The following NBEA variants were observed in gnomAD, a reference collection of about 807,000 sequenced individuals.
The protein encoded by NBEA is lysosomal-trafficking regulator 2.
In NBEA, 44 loss-of-function variants were observed where a neutral mutation model predicts 343.4. The ratio of observed to expected loss-of-function variants is 0.13; its 90% confidence interval spans 0.10 to 0.16. The LOEUF is 0.16. Among genes scored for constraint, NBEA ranks in the 10% least tolerant of loss-of-function variants. The pLI is 1.00. For synonymous variants in NBEA, 1,175 were observed against 1,238.7 expected (o/e 0.95, Z 1.08); for missense variants, 2,555 against 3,631.3 (o/e 0.70, Z 7.62).
intron 41 of NBEA, chr13:35,475,338 C>T: frequency 6.2e-7 from 1 of 1,614,036 alleles, no homozygotes; most frequent in Middle Eastern, 1.6e-4. Flanking sequence ...TGTTCAAGGG[C>T]TGGCCCGGCA....
chr13:35,235,668 C>T (rs2075194072), intron 34 of NBEA, among the ~76,000 whole-genome samples: 1 of 152,146 alleles, frequency 6.6e-6, no homozygotes, highest in South Asian at 2.1e-4. Context: ...AATCAGGAAC[C>T]CCTGTGTGTA....
At chr13:34,969,299 TAA>T (rs2059923933) in intron 1 of NBEA, among the ~76,000 whole-genome samples, 1 of 152,014 alleles carries the variant, frequency 6.6e-6, no homozygotes, top group South Asian at 2.1e-4. Context: ...CATGAACATT[TAA>T]AATTTTTTGG....
intron 34 of NBEA, among the ~76,000 whole-genome samples, chr13:35,278,985 C>T (rs2034848732): frequency 6.6e-6 from 1 of 152,056 alleles, no homozygotes; most frequent in Non-Finnish European, 1.5e-5. Flanking sequence ...GCCTTTCTTT[C>T]TGTTTTTCCA....
chr13:34,998,679 G>A (rs1593413021), intron 1 of NBEA, among the ~76,000 whole-genome samples: 1 of 152,254 alleles, frequency 6.6e-6, no homozygotes, highest in East Asian at 1.9e-4. Context: ...CAGAGTTTAA[G>A]GTTATCTCTC....
intron 44 of NBEA, among the ~76,000 whole-genome samples, chr13:35,559,716 C>A (rs2079763448): frequency 6.6e-6 from 1 of 151,958 alleles, no homozygotes; most frequent in South Asian, 2.1e-4. Flanking sequence ...GAGATGGAGA[C>A]CATCCTGGCT....
At chr13:35,135,507 C>T (rs2067667491) in intron 17 of NBEA, among the ~76,000 whole-genome samples, 4 of 151,978 alleles carry the variant, frequency 2.6e-5, no homozygotes, top group Non-Finnish European at 4.4e-5. Context: ...AATGGGAAGA[C>T]TCAATTATAT....
At chr13:34,947,401 C>A (rs537436429) in intron 1 of NBEA, among the ~76,000 whole-genome samples, 14 of 152,232 alleles carry the variant, frequency 9.2e-5, no homozygotes, top group African/African-American at 3.1e-4. Context: ...ATACTTTTCC[C>A]AAACAGTGTG....
At chr13:35,544,964 T>C (rs2079000488) in intron 41 of NBEA, among the ~76,000 whole-genome samples, 1 of 152,218 alleles carries the variant, frequency 6.6e-6, no homozygotes, top group African/African-American at 2.4e-5. Context: ...CTAGATGATA[T>C]GGGAAGCTTG....
At chr13:35,417,205 T>A (rs2043968066) in intron 38 of NBEA, among the ~76,000 whole-genome samples, 1 of 152,204 alleles carries the variant, frequency 6.6e-6, no homozygotes, top group African/African-American at 2.4e-5. Flanking sequence ...ATTCATTAAT[T>A]TTTTGAAGGG....
intron 56 of NBEA, 73 bp downstream of exon 56, chr13:35,665,259 T>G (rs1427055595): frequency 3.2e-6 from 4 of 1,266,852 alleles, no homozygotes; most frequent in Non-Finnish European, 4.5e-6. Context: ...GATTGTCAGT[T>G]TATTTCTTCC....
intron 34 of NBEA, among the ~76,000 whole-genome samples, chr13:35,280,610 A>G (rs1015729330): frequency 2.6e-5 from 4 of 152,130 alleles, no homozygotes; most frequent in Non-Finnish European, 2.9e-5. Flanking sequence ...AAACTGATCA[A>G]TGTAACTACC....
intron 41 of NBEA, among the ~76,000 whole-genome samples, chr13:35,536,844 TA>T (rs2078579092): frequency 6.6e-6 from 1 of 152,210 alleles, no homozygotes; most frequent in African/African-American, 2.4e-5. Flanking sequence ...AAAATCAACA[TA>T]AGCTCAGAAA....
intron 53 of NBEA, among the ~76,000 whole-genome samples, chr13:35,653,484 C>G (rs1218249720): frequency 1.3e-5 from 2 of 152,036 alleles, no homozygotes; most frequent in Non-Finnish European, 2.9e-5. Context: ...GCGTGCACCA[C>G]CACGCCTGTC....
At chr13:35,564,484 T>C (rs1433487772) in intron 44 of NBEA, among the ~76,000 whole-genome samples, 1 of 152,140 alleles carries the variant, frequency 6.6e-6, no homozygotes, top group Non-Finnish European at 1.5e-5. Flanking sequence ...TTTGTATATA[T>C]ACATATAAAA....
intron 18 of NBEA, among the ~76,000 whole-genome samples, chr13:35,152,284 A>T (rs946003526): frequency 6.6e-6 from 1 of 152,236 alleles, no homozygotes; most frequent in Non-Finnish European, 1.5e-5. Context: ...CTTAATAATC[A>T]AAGTTTTTCT....
At chr13:35,279,057 A>T (rs1422706273) in intron 34 of NBEA, among the ~76,000 whole-genome samples, 4 of 152,220 alleles carry the variant, frequency 2.6e-5, no homozygotes, top group Admixed American at 1.3e-4. Context: ...AAGGTGGGCC[A>T]GCTCTGGAGA....
chr13:35,030,983 C>T (rs1349428807), intron 1 of NBEA, among the ~76,000 whole-genome samples: 1 of 151,616 alleles, frequency 6.6e-6, no homozygotes. Flanking sequence ...GAGCCCATCT[C>T]TGCTATTTAC....
At chr13:35,520,337 A>G (rs1323898262) in intron 41 of NBEA, among the ~76,000 whole-genome samples, 2 of 152,200 alleles carry the variant, frequency 1.3e-5, no homozygotes, top group African/African-American at 2.4e-5. Context: ...TAAGGTGCCT[A>G]CTATCCTAGT....
At chr13:35,199,233 A>G (rs2152744197) in intron 31 of NBEA, among the ~76,000 whole-genome samples, 1 of 152,272 alleles carries the variant, frequency 6.6e-6, no homozygotes, top group Non-Finnish European at 1.5e-5. Flanking sequence ...AGGTAGCTAT[A>G]ATTACATTAT....
Sources: allele counts gnomAD v4.1 joint callset (sites outside exome capture counted in the v4.1 genomes callset), GRCh38; gene constraint gnomAD v4.1.1; transcripts MANE v1.5; gene names NCBI Gene and HGNC (gene_info 2026-07-23, HGNC 2026-07-21).